KCNH1: variants seen among roughly 807,000 people sequenced by gnomAD.
The protein encoded by KCNH1 is voltage-gated delayed rectifier potassium channel KCNH1.
KCNH1 carries 27 observed loss-of-function variants against 69.2 expected under a neutral mutation model. The observed-to-expected ratio is 0.39, with a 90% CI of 0.29 to 0.54. The LOEUF is 0.54. KCNH1 is among the 20% of genes least tolerant of loss of function. The probability of loss-of-function intolerance (pLI) is 0.68; values close to 1 mark genes in which losing one functional copy is unlikely to be tolerated. For missense variants in KCNH1, 798 were observed against 1,261.6 expected, an observed-to-expected ratio of 0.63 and a Z score of 5.57; for synonymous variants, 456 against 487.7, an observed-to-expected ratio of 0.93 and a Z score of 0.86.
intron 10 of KCNH1, among the ~76,000 whole-genome samples, chr1:210,710,565 GC>G (rs368172240): frequency 4.4e-4 from 67 of 152,248 alleles, no homozygotes; most frequent in African/African-American, 1.6e-3. Context: ...AAATTTTTCA[GC>G]TCCATTATAA....
intron 8 of KCNH1, among the ~76,000 whole-genome samples, chr1:210,800,297 T>C (rs1684403108): frequency 6.6e-6 from 1 of 152,222 alleles, no homozygotes; most frequent in African/African-American, 2.4e-5. Context: ...AGATTTAATT[T>C]AGGTCCTCTG....
At chr1:210,997,942 C>T (rs552746903) in intron 6 of KCNH1, among the ~76,000 whole-genome samples, 3 of 152,130 alleles carry the variant, frequency 2.0e-5, no homozygotes, top group Admixed American at 6.5e-5. Flanking sequence ...AAATAAAATC[C>T]TTTACAGACA....
chr1:211,003,693 G>T (rs1370878987), intron 6 of KCNH1, among the ~76,000 whole-genome samples: 1 of 152,116 alleles, frequency 6.6e-6, no homozygotes, highest in African/African-American at 2.4e-5. Flanking sequence ...AATCTTAAAA[G>T]CACCAGAGAA....
chr1:211,129,592 G>T (rs1363131816), intron 1 of KCNH1, among the ~76,000 whole-genome samples: 3 of 152,148 alleles, frequency 2.0e-5, no homozygotes, highest in Non-Finnish European at 4.4e-5. Flanking sequence ...GCTGAAGATT[G>T]TCTTAGAATA....
chr1:211,105,771 A>G (rs899029395), intron 2 of KCNH1, among the ~76,000 whole-genome samples: 4 of 152,242 alleles, frequency 2.6e-5, no homozygotes, highest in Non-Finnish European at 5.9e-5. Flanking sequence ...CAGGACAGAT[A>G]GAGATGTAGA....
intron 6 of KCNH1, among the ~76,000 whole-genome samples, chr1:210,950,328 C>T (rs900001259): frequency 6.8e-6 from 1 of 146,492 alleles, no homozygotes; most frequent in African/African-American, 2.5e-5. Flanking sequence ...ACTAACTCGT[C>T]ATCTAGCATT....
chr1:210,813,873 A>G (rs1684759525), intron 7 of KCNH1, among the ~76,000 whole-genome samples: 1 of 152,140 alleles, frequency 6.6e-6, no homozygotes, highest in Admixed American at 6.5e-5. Flanking sequence ...TTCTTGTGAT[A>G]GTGAATAAGT....
intron 10 of KCNH1, among the ~76,000 whole-genome samples, chr1:210,767,262 G>A (rs1020887359): frequency 6.6e-6 from 1 of 152,196 alleles, no homozygotes; most frequent in Non-Finnish European, 1.5e-5. Flanking sequence ...AACATGACTG[G>A]CTGCTCACTG....
chr1:210,905,031 C>G (rs1335910737), intron 7 of KCNH1, among the ~76,000 whole-genome samples: 1 of 152,210 alleles, frequency 6.6e-6, no homozygotes, highest in Non-Finnish European at 1.5e-5. Context: ...CCCACACCAT[C>G]AGCTCCTTAA....
At chr1:210,934,415 G>A (rs1687736890) in intron 6 of KCNH1, among the ~76,000 whole-genome samples, 1 of 152,164 alleles carries the variant, frequency 6.6e-6, no homozygotes, top group Non-Finnish European at 1.5e-5. Context: ...AGCACTTTGT[G>A]GGGCCAAGGT....
chr1:210,754,869 C>G lies in KCNH1; in HGVS notation c.2112+20479G>C, dbSNP rs548202973. On this transcript the variant is annotated intron_variant, in intron 10 of 10. Coordinates refer to ENST00000271751, the MANE Select transcript of KCNH1 (RefSeq NM_172362.3). ...GCACACACACACACACACACACACA[C>G]ACACACACACAGACACATACAAAGA... Among the ~76,000 whole-genome samples, 412 of 151,698 alleles carry G rather than the reference C, an allele frequency of 2.7e-3. 2 individuals are homozygous for G. Among genetic ancestry groups the G allele is most frequent in the Non-Finnish European group, 2.5e-3 (169 of 67,900 alleles).
intron 8 of KCNH1, 66 bp from the exon 9 acceptor site, chr1:210,797,826 C>A: frequency 6.4e-7 from 1 of 1,554,256 alleles, no homozygotes; most frequent in Non-Finnish European, 8.7e-7. Flanking sequence ...CATCCTTCAG[C>A]ACTCTAGGGG....
chr1:210,706,193 G>A (rs1681909134), intron 10 of KCNH1, among the ~76,000 whole-genome samples: 1 of 152,154 alleles, frequency 6.6e-6, no homozygotes, highest in Non-Finnish European at 1.5e-5. Flanking sequence ...AACAGGAAGA[G>A]GAAGTTCCCC....
At chr1:210,929,200 C>T (rs923813985) in intron 6 of KCNH1, among the ~76,000 whole-genome samples, 7 of 152,062 alleles carry the variant, frequency 4.6e-5, no homozygotes, top group African/African-American at 1.7e-4. Context: ...ACCCTACTAC[C>T]AAAATCAGGG....
chr1:210,860,632 A>G (rs1041098707), intron 7 of KCNH1: 3 of 796,290 alleles, frequency 3.8e-6, no homozygotes, highest in Non-Finnish European at 6.9e-6. Context: ...TGTTTCTGTT[A>G]TAATATGAAG....
At chr1:211,125,087 G>T (rs577809061) in intron 1 of KCNH1, among the ~76,000 whole-genome samples, 2 of 152,216 alleles carry the variant, frequency 1.3e-5, no homozygotes, top group Non-Finnish European at 2.9e-5. Context: ...GCAAGCTAGA[G>T]ACATAACCTT....
chr1:211,050,989 T>TTTGTTGTTGTTGTTG (rs6143600), intron 5 of KCNH1, among the ~76,000 whole-genome samples: 32,453 of 150,338 alleles, frequency 0.22, 3,916 homozygotes, highest in East Asian at 0.43. Flanking sequence ...ATATTTTTGT[T>TTTGTTGTTGTTGTTG]TTGTTGTTGT....
chr1:210,859,181 A>T (rs930476378), intron 7 of KCNH1: 3 of 1,573,300 alleles, frequency 1.9e-6, no homozygotes, highest in Non-Finnish European at 2.6e-6. Flanking sequence ...AACTCAATTC[A>T]TCCCTGGTAC....
chr1:210,763,177 T>G (rs1023657465), intron 10 of KCNH1, among the ~76,000 whole-genome samples: 7 of 152,152 alleles, frequency 4.6e-5, no homozygotes, highest in African/African-American at 1.7e-4. Flanking sequence ...CCAACATCTC[T>G]TTATAATGAA....
Sources: gnomAD v4.1 joint callset for allele counts (sites outside exome capture counted in the v4.1 genomes callset) on GRCh38, gnomAD v4.1.1 for gene constraint, MANE v1.5 for transcripts, NCBI Gene and HGNC (gene_info 2026-07-23, HGNC 2026-07-21) for gene names.